The following SH2D6 variants were observed in gnomAD, a reference collection of about 807,000 sequenced individuals.
The protein encoded by SH2D6 is SH2 domain containing 6, also known as SH2 domain-containing protein 6.
SH2D6 carries 31 observed loss-of-function variants against 30.2 expected under a neutral mutation model. The observed-to-expected ratio is 1.03, with a 90% CI of 0.77 to 1.38. The LOEUF (loss-of-function observed/expected upper bound fraction) is 1.38. SH2D6 is among the 40% of genes most tolerant of loss of function. The pLI is 0.00. For synonymous variants in SH2D6, 93 were observed against 104.6 expected (o/e 0.89, Z 0.68); for missense variants, 240 against 266.8 (o/e 0.90, Z 0.70).
intron 20 of SH2D6, 100 bp downstream of exon 20, chr2:85,435,223 C>A: frequency 1.5e-6 from 2 of 1,359,548 alleles, no homozygotes; most frequent in Non-Finnish European, 2.1e-6. Context: ...TGCACCACTG[C>A]AAGAACACAT....
chr2:85,420,301 G>A (rs1340489901), intron 2 of SH2D6, among the ~76,000 whole-genome samples: 1 of 152,174 alleles, frequency 6.6e-6, no homozygotes, highest in Non-Finnish European at 1.5e-5. Flanking sequence ...CGTATTTTTA[G>A]TAGAGACGGG....
At chr2:85,424,677 T>C (rs761696850) in intron 5 of SH2D6, among the ~76,000 whole-genome samples, 6 of 152,146 alleles carry the variant, frequency 3.9e-5, no homozygotes, top group Non-Finnish European at 5.9e-5. Flanking sequence ...AGTTGAGTCC[T>C]AACCTAAACT....
intron 4 of SH2D6, 42 bp downstream of exon 4, chr2:85,422,532 G>A (rs1687784618): frequency 6.6e-6 from 1 of 152,432 alleles, no homozygotes; most frequent in African/African-American, 2.4e-5. Flanking sequence ...GAGGGACTGG[G>A]GATGGGGAGG....
At chr2:85,435,995 G>A (rs1689413227) in intron 22 of SH2D6, among the ~76,000 whole-genome samples, 171 bp downstream of exon 22, 1 of 152,228 alleles carries the variant, frequency 6.6e-6, no homozygotes, top group African/African-American at 2.4e-5. Flanking sequence ...CCTCTGGTGG[G>A]GGAGGTGCCC....
chr2:85,423,035 G>C (rs147356502), intron 5 of SH2D6, among the ~76,000 whole-genome samples: 2 of 151,976 alleles, frequency 1.3e-5, no homozygotes, highest in Admixed American at 1.3e-4. Flanking sequence ...TTACAGGCGC[G>C]TGCCACCACG....
chr2:85,425,115 C>T (rs575313970), intron 5 of SH2D6, among the ~76,000 whole-genome samples, 193 bp from the exon 6 acceptor site: 125 of 152,106 alleles, frequency 8.2e-4, no homozygotes, highest in African/African-American at 2.7e-3. Flanking sequence ...ACAAGTATAA[C>T]GCCGTAACAC....
At chr2:85,434,926 C>A in intron 19 of SH2D6, 139 bp from the exon 20 acceptor site, 1 of 1,598,192 alleles carries the variant, frequency 6.3e-7, no homozygotes, top group Non-Finnish European at 8.5e-7. Flanking sequence ...GTGGAGGAAG[C>A]ACTGGGTGCC....
At chr2:85,432,562 G>A (rs896338888) in intron 14 of SH2D6, among the ~76,000 whole-genome samples, 4 of 151,720 alleles carry the variant, frequency 2.6e-5, no homozygotes, top group African/African-American at 4.8e-5. Flanking sequence ...TACCACGCCC[G>A]GCTAATTTTT....
chr2:85,433,107 G>A lies in SH2D6; in HGVS notation c.379G>A (p.Ala127Thr), dbSNP rs925083384. 4.1e-6 allele frequency: 4 copies of A among 985,838 alleles called. No individual in the cohort carries two copies. The highest frequency in any genetic ancestry group is 6.1e-5 in the Admixed American group (1 of 16,268). The allele number at this position is 985,838 out of a possible 1,614,324, so 61.1% of individuals were successfully genotyped here. A position where few individuals can be genotyped will look rare whatever the true frequency, so the allele number is the denominator to read the frequency against. ...GPIFGRREQGASSRVVPGPPK... is the reference protein window; with the variant it reads ...GPIFGRREQGTSSRVVPGPPK... ...TCTCCTTTTCCTTTCAGAGCAGGGT[G>A]CATCGTCCAGAGTGGTGAGCAGCCC... Residue 127 changes from alanine to threonine, a missense_variant, in exon 15 of 24, where the codon GCA (alanine) becomes ACA (threonine). Ala to Thr is a moderately conservative substitution (Grantham distance 58). Coordinates refer to ENST00000469800, the MANE Select transcript of SH2D6 (RefSeq NM_001394463.1).
rs531257738 is a variant in SH2D6, at chr2:85,435,559, C to T, written c.732+63C>T. 68 of 1,595,704 alleles carry T rather than the reference C, an allele frequency of 4.3e-5. No individual in the cohort carries two copies. The East Asian group carries it at 1.2e-3, about 28-fold the overall frequency. ...CTTTTGCTCACAGGCTGTGGCTGGC[C>T]GAGCAGTGGGGAGCAGGAGGGCCAG... On this transcript the variant is annotated intron_variant, in intron 21 of 23. Coordinates refer to ENST00000469800, the MANE Select transcript of SH2D6 (RefSeq NM_001394463.1).
rs188958134 is a variant in SH2D6 at position 85,431,505 on chromosome 2, T to C, written c.309+237T>C. 1.1e-4 allele frequency among the ~76,000 whole-genome samples: 16 copies of C among 152,188 alleles called. 1 individual carries two copies. The East Asian group carries it at 2.9e-3, about 28-fold the overall frequency. ...GCCTCCCCTTCAGCTTCACCCACGG[T>C]GCCCTTCTCATGTCTCTGAGGGGGA... is the stretch of plus-strand genomic sequence containing the variant. On this transcript the variant is annotated intron_variant, in intron 13 of 23. Transcript: ENST00000469800.
chr2:85,436,576 G>C lies in SH2D6; in HGVS notation c.1002G>C (p.Lys334Asn). The C allele has an allele frequency of 6.2e-7, 1 of 1,613,728 alleles. No homozygotes were observed. Among genetic ancestry groups the C allele is most frequent in the East Asian group, 2.2e-5 (1 of 44,882 alleles). ...TCACCTGCCTGCTCTTCCCCACCAA[G>C]CCTTGAGGCCACAGCGAAGTACACA... ...RELTCLLFPT[K>N]P is the part of the protein sequence containing the mutation. The change falls in exon 23 of 24, where the codon AAG becomes AAC. Residue 334 changes from lysine to asparagine, a missense_variant. Coordinates refer to ENST00000469800, the MANE Select transcript of SH2D6 (RefSeq NM_001394463.1).
chr2:85,432,591 G>A (rs868800600), intron 14 of SH2D6, among the ~76,000 whole-genome samples: 17 of 151,894 alleles, frequency 1.1e-4, no homozygotes, highest in Middle Eastern at 3.4e-3. Flanking sequence ...TAGTAGAGAC[G>A]GGGTTTCACC....
chr2:85,423,300 C>T (rs1393862275), intron 5 of SH2D6, among the ~76,000 whole-genome samples: 3 of 152,202 alleles, frequency 2.0e-5, no homozygotes, highest in African/African-American at 4.8e-5. Context: ...GGCACAATTT[C>T]GGCTCACTGC....
intron 5 of SH2D6, among the ~76,000 whole-genome samples, chr2:85,424,036 C>T (rs963355212): frequency 6.6e-6 from 1 of 152,344 alleles, no homozygotes; most frequent in African/African-American, 2.4e-5. Context: ...CCCTGTCCCC[C>T]TGTTTCCAGG....
At chr2:85,431,791 CA>C (rs1688683159) in intron 13 of SH2D6, 107 bp from the exon 14 acceptor site, 1 of 152,640 alleles carries the variant, frequency 6.6e-6, no homozygotes. Flanking sequence ...CCCTTTTGTA[CA>C]TTTTTTAAAG....
At chr2:85,434,897 A>T in intron 19 of SH2D6, 168 bp from the exon 20 acceptor site, 2 of 1,583,162 alleles carry the variant, frequency 1.3e-6, no homozygotes, top group Non-Finnish European at 1.7e-6. Context: ...GGGTCCTGCC[A>T]GGGCACTGGA....
At chr2:85,429,662 T>G (rs1688382288) in intron 9 of SH2D6, 50 bp downstream of exon 9, 1 of 152,782 alleles carries the variant, frequency 6.5e-6, no homozygotes, top group Non-Finnish European at 1.5e-5. Flanking sequence ...TGTCTCTCTC[T>G]ACCCCTCCTC....
intron 13 of SH2D6, among the ~76,000 whole-genome samples, chr2:85,431,534 G>C (rs1374140731): frequency 2.6e-5 from 4 of 152,126 alleles, no homozygotes; most frequent in Non-Finnish European, 5.9e-5. Context: ...AGGGGGAGGG[G>C]AGGGGCTCAG....
Sources: allele counts gnomAD v4.1 joint callset (sites outside exome capture counted in the v4.1 genomes callset), GRCh38; gene constraint gnomAD v4.1.1; transcripts MANE v1.5; gene names NCBI Gene and HGNC (gene_info 2026-07-23, HGNC 2026-07-21).